Variants in PCDH9 observed in about 807,000 individuals in gnomAD.
PCDH9 encodes the protein protocadherin 9.
PCDH9 carries 24 observed loss-of-function variants against 70.6 expected under a neutral mutation model. The ratio of observed to expected loss-of-function variants is 0.34; its 90% CI spans 0.25 to 0.48. PCDH9 has a LOEUF of 0.48. Ranked by LOEUF, PCDH9 falls within the 20% of genes least tolerant of loss-of-function variation. The pLI is 0.99. For synonymous variants in PCDH9, 562 were observed against 558.5 expected, an observed-to-expected ratio of 1.01 and a Z score of -0.09; for missense variants, 1,281 against 1,503.6, an observed-to-expected ratio of 0.85 and a Z score of 2.45.
At chr13:66,645,610 TAAGATACACTTGTAA>T (rs1021122577) in intron 3 of PCDH9, among the ~76,000 whole-genome samples, 1 of 152,082 alleles carries the variant, frequency 6.6e-6, no homozygotes, top group African/African-American at 2.4e-5. Context: ...TAGAAGGATA[TAAGATACACTTGTAA>T]ATGTGGAGAA....
chr13:66,404,412 G>C (rs745640993), intron 4 of PCDH9, among the ~76,000 whole-genome samples: 7 of 152,144 alleles, frequency 4.6e-5, no homozygotes, highest in African/African-American at 7.2e-5. Context: ...AACAATAAGG[G>C]AAGGGGGAGT....
Position 66,374,735 on chromosome 13 carries a change from T to A in PCDH9, c.3341-69707A>T, listed in dbSNP as rs1772493399. Reference sequence around the variant, plus strand: ...GCATCCAGGTGGATTATCAGAAAGATCGCAGCTCAGGGGTATTTCACATTC... The same window carrying A: ...GCATCCAGGTGGATTATCAGAAAGAACGCAGCTCAGGGGTATTTCACATTC... On this transcript the variant is annotated intron_variant, in intron 4 of 4. Transcript: ENST00000377865. Among the ~76,000 whole-genome samples the A allele has an allele frequency of 2.6e-5, 4 of 152,016 alleles. No individual in the cohort carries two copies. The South Asian group carries it at 8.3e-4, about 31-fold the overall frequency.
intron 2 of PCDH9, among the ~76,000 whole-genome samples, chr13:67,060,555 ACT>A (rs1391619224): frequency 6.6e-6 from 1 of 151,604 alleles, no homozygotes; most frequent in Non-Finnish European, 1.5e-5. Context: ...TTTTTAAATG[ACT>A]CTTTTATTAA....
chr13:66,317,215 T>C (rs1393873196), intron 4 of PCDH9, among the ~76,000 whole-genome samples: 1 of 151,938 alleles, frequency 6.6e-6, no homozygotes, highest in Non-Finnish European at 1.5e-5. Context: ...TTAGATATAT[T>C]TAGAAAAAAA....
chr13:67,070,313 A>T (rs1487648836), intron 2 of PCDH9, among the ~76,000 whole-genome samples: 1 of 152,108 alleles, frequency 6.6e-6, no homozygotes, highest in African/African-American at 2.4e-5. Context: ...AAAGAAAAAG[A>T]GAGTCTCATT....
At chr13:66,656,128 G>C (rs1293118572) in intron 3 of PCDH9, among the ~76,000 whole-genome samples, 1 of 147,378 alleles carries the variant, frequency 6.8e-6, no homozygotes, top group African/African-American at 2.5e-5. Flanking sequence ...AAAAGGAAAA[G>C]CAAAAAAAAA....
chr13:66,916,231 T>C (rs1422191322), intron 2 of PCDH9, among the ~76,000 whole-genome samples: 1 of 151,660 alleles, frequency 6.6e-6, no homozygotes, highest in Non-Finnish European at 1.5e-5. Flanking sequence ...GACATCCTTT[T>C]GAAAGTACCT....
At chr13:67,113,554 GT>G (rs962782881) in intron 2 of PCDH9, among the ~76,000 whole-genome samples, 16 of 146,548 alleles carry the variant, frequency 1.1e-4, no homozygotes, top group East Asian at 4.0e-4. Context: ...GCCAAATCAT[GT>G]TTTTTTTTTT....
chr13:66,578,467 T>C (rs564384101), intron 4 of PCDH9, among the ~76,000 whole-genome samples: 13 of 152,164 alleles, frequency 8.5e-5, no homozygotes, highest in Non-Finnish European at 1.6e-4. Context: ...CAGCCTACTG[T>C]AGGTCCTGGA....
intron 4 of PCDH9, among the ~76,000 whole-genome samples, chr13:66,416,084 G>T (rs1032758300): frequency 2.0e-5 from 3 of 152,126 alleles, no homozygotes; most frequent in Non-Finnish European, 4.4e-5. Context: ...CTTCAGTGAA[G>T]TCCAAACTGT....
intron 2 of PCDH9, among the ~76,000 whole-genome samples, chr13:67,079,692 C>G (rs2085946513): frequency 1.3e-5 from 2 of 152,136 alleles, no homozygotes; most frequent in Admixed American, 1.3e-4. Flanking sequence ...TTAATGTAGC[C>G]AGACCTCTCC....
At chr13:66,450,831 T>A (rs534407836) in intron 4 of PCDH9, among the ~76,000 whole-genome samples, 1 of 152,110 alleles carries the variant, frequency 6.6e-6, no homozygotes, top group African/African-American at 2.4e-5. Context: ...CTGGCTAACA[T>A]GGTGAAACCC....
At chr13:66,880,778 G>A (rs1410285788) in intron 3 of PCDH9, among the ~76,000 whole-genome samples, 3 of 152,276 alleles carry the variant, frequency 2.0e-5, no homozygotes, top group South Asian at 2.1e-4. Flanking sequence ...CTAGGATCAA[G>A]GAACATATTA....
At chr13:67,103,077 C>T (rs2086466096) in intron 2 of PCDH9, among the ~76,000 whole-genome samples, 1 of 152,028 alleles carries the variant, frequency 6.6e-6, no homozygotes, top group African/African-American at 2.4e-5. Context: ...CTGCTACACA[C>T]ATGTTTTTAA....
At chr13:67,085,595 C>T (rs1436442215) in intron 2 of PCDH9, among the ~76,000 whole-genome samples, 1 of 152,188 alleles carries the variant, frequency 6.6e-6, no homozygotes, top group Non-Finnish European at 1.5e-5. Context: ...GAATAACTGG[C>T]ACCCCTGATC....
chr13:66,835,267 C>G (rs1205614419), intron 3 of PCDH9, among the ~76,000 whole-genome samples: 1 of 152,218 alleles, frequency 6.6e-6, no homozygotes. Context: ...CTCCCGCACA[C>G]CCGGCTGGAG....
intron 4 of PCDH9, among the ~76,000 whole-genome samples, chr13:66,588,545 C>T (rs985426874): frequency 6.6e-6 from 1 of 151,590 alleles, no homozygotes; most frequent in Non-Finnish European, 1.5e-5. Flanking sequence ...TATATGCACA[C>T]TTCATATGTT....
chr13:66,832,140 G>T (rs1369763262), intron 3 of PCDH9, among the ~76,000 whole-genome samples: 1 of 151,952 alleles, frequency 6.6e-6, no homozygotes, highest in Admixed American at 6.6e-5. Flanking sequence ...AGGGAACATT[G>T]CTAGCTGAGA....
intron 3 of PCDH9, among the ~76,000 whole-genome samples, chr13:66,774,696 A>T (rs1230663106): frequency 1.3e-5 from 2 of 152,162 alleles, no homozygotes; most frequent in Admixed American, 1.3e-4. Context: ...ACCCCAAATG[A>T]CGTATTGTTA....
Sources: gnomAD v4.1 joint callset for allele counts (sites outside exome capture counted in the v4.1 genomes callset) on GRCh38, gnomAD v4.1.1 for gene constraint, MANE v1.5 for transcripts, NCBI Gene and HGNC (gene_info 2026-07-23, HGNC 2026-07-21) for gene names.